The following NBPF26 variants were observed in gnomAD, a reference collection of about 807,000 sequenced individuals.
NBPF26 encodes the protein NBPF member 26.
In NBPF26, 79 loss-of-function variants were observed where a neutral mutation model predicts 119.6. The ratio of observed to expected loss-of-function variants is 0.66; its 90% CI spans 0.55 to 0.80. NBPF26 has a LOEUF of 0.80. Among genes scored for constraint, NBPF26 ranks in the 30% least tolerant of loss-of-function variants. NBPF26 has a pLI of 0.00. For missense variants in NBPF26, 800 were observed against 1,198.2 expected (o/e 0.67, Z 4.91); for synonymous variants, 299 against 457.7 (o/e 0.65, Z 4.43).
rs1216175971 is a variant in NBPF26 at position 120,815,607 on chromosome 1, A to G, written c.2093-478A>G. ...TGTGGTAGGAAGTGCTTCAGACTGG[A>G]GCACTCCCCATGGATAGAATGTCCC... On this transcript the variant is annotated intron_variant, in intron 12 of 29. Transcript: ENST00000620612. Among the ~76,000 whole-genome samples, 98 of 95,082 alleles carry G rather than the reference A, an allele frequency of 1.0e-3. 3 individuals are homozygous for G. The East Asian group carries it at 0.021, about 20-fold the overall frequency. The allele number at this position is 95,082 out of a possible 152,430, so 62.4% of individuals were successfully genotyped here. A position where few individuals can be genotyped will look rare whatever the true frequency, so the allele number is the denominator to read the frequency against.
At chr1:120,808,427 G>A (rs1483455092) in intron 6 of NBPF26, 118 bp from the exon 7 acceptor site, 9 of 926,366 alleles carry the variant, frequency 9.7e-6, no homozygotes, top group Non-Finnish European at 1.5e-5. Flanking sequence ...TTCAACGTGT[G>A]CTGACCTTCT....
chr1:120,790,425 A>T (rs1651474215), intron 3 of NBPF26, among the ~76,000 whole-genome samples: 1 of 116,192 alleles, frequency 8.6e-6, no homozygotes, highest in Non-Finnish European at 1.6e-5. Context: ...CAGTCAGCTT[A>T]CTAGCTCATC....
At position 120,756,024 on chromosome 1, in the gene NBPF26, C is replaced by G. The variant is rs1300595941; in HGVS notation, c.74-7604C>G. On this transcript the variant is annotated intron_variant, in intron 1 of 29. Transcript: ENST00000620612. ...TCCACTTCGTTTTTATTTAAATGTA[C>G]CACTTGGGATTTGAAGCTTCCGCAC... is the stretch of plus-strand genomic sequence containing the variant. 3.6e-5 allele frequency among the ~76,000 whole-genome samples: 4 copies of G among 110,340 alleles called. 1 individual carries two copies. The highest frequency in any genetic ancestry group is 5.5e-5 in the African/African-American group (1 of 18,266). The allele number at this position is 110,340 out of a possible 152,430, so 72.4% of individuals were successfully genotyped here. A position where few individuals can be genotyped will look rare whatever the true frequency, so the allele number is the denominator to read the frequency against.
At chr1:120,785,226 G>T (rs1651412488) in exon 3 of NBPF26, 2 of 1,445,238 alleles carry the variant, frequency 1.4e-6, no homozygotes. Flanking sequence ...GTCAAGTCGG[G>T]TTTACAGGTA....
Position 120,724,097 on chromosome 1 carries a change from A to G in NBPF26, c.-81A>G, listed in dbSNP as rs1650785087. On this transcript the variant is annotated 5_prime_UTR_variant, in exon 1 of 30. Transcript: ENST00000620612. ...GGGGAGGAGAGAGTGGGGCTCCTCT[A>G]TCGGGACCCCCTCCCCATGTGGATC... The G allele has an allele frequency of 1.3e-5, 17 of 1,324,160 alleles. 2 individuals carry two copies. Among genetic ancestry groups the G allele is most frequent in the African/African-American group, 9.2e-5 (3 of 32,442 alleles). The allele number at this position is 1,324,160 out of a possible 1,614,324, so 82.0% of individuals were successfully genotyped here. A position where few individuals can be genotyped will look rare whatever the true frequency, so the allele number is the denominator to read the frequency against.
At chr1:120,739,985 G>T in intron 1 of NBPF26, among the ~76,000 whole-genome samples, 1 of 66,308 alleles carries the variant, frequency 1.5e-5, no homozygotes, top group Middle Eastern at 5.6e-3. Flanking sequence ...AAGTTTGTAG[G>T]TTAACTCACT....
At chr1:120,822,141 G>A in exon 16 of NBPF26, 3 of 1,343,408 alleles carry the variant, frequency 2.2e-6, no homozygotes, top group Non-Finnish European at 3.0e-6. Flanking sequence ...AGTCCCCCAG[G>A]AGTCCTGGGA....
chr1:120,840,242 A>C lies in NBPF26; in HGVS notation c.4104-108A>C, dbSNP rs77928787. On this transcript the variant is annotated intron_variant, in intron 29 of 29. Coordinates refer to ENST00000620612, the Ensembl canonical transcript of NBPF26. ...TTTTTTTTACCTCATTAATGGATCT[A>C]TCCTTTTTCTTTTCTAACCACTTCC... The C allele has an allele frequency of 7.0e-5, 99 of 1,409,220 alleles. 20 individuals carry two copies. The highest frequency in any genetic ancestry group is 9.1e-5 in the Non-Finnish European group (97 of 1,063,092). The allele number at this position is 1,409,220 out of a possible 1,614,324, so 87.3% of individuals were successfully genotyped here.
chr1:120,815,229 T>C (rs1156714810), intron 12 of NBPF26, among the ~76,000 whole-genome samples, 186 bp downstream of exon 12: 1 of 112,792 alleles, frequency 8.9e-6, no homozygotes, highest in East Asian at 2.2e-4. Context: ...GAGGTCACAG[T>C]ATTGCAAGTG....
At chr1:120,806,663 A>C (rs1651693158) in intron 5 of NBPF26, among the ~76,000 whole-genome samples, 1 of 122,012 alleles carries the variant, frequency 8.2e-6, no homozygotes, top group Non-Finnish European at 1.7e-5. Context: ...GGTGAGAGTG[A>C]AGTCCTGCTT....
rs1346598014 is a variant in NBPF26, at chr1:120,815,210, A to C, written c.2092+167A>C. Among the ~76,000 whole-genome samples, 20 of 110,766 alleles carry C rather than the reference A, an allele frequency of 1.8e-4. 7 individuals are homozygous for C. The highest frequency in any genetic ancestry group is 1.0e-3 in the African/African-American group (18 of 17,854). The allele number at this position is 110,766 out of a possible 152,430, so 72.7% of individuals were successfully genotyped here. ...GGGTAAGAACAGAGATGGGAAACCCATGGGGTTGGAGGTCACAGTATTGCA... is the reference window on the plus strand; with the variant it reads ...GGGTAAGAACAGAGATGGGAAACCCCTGGGGTTGGAGGTCACAGTATTGCA... On this transcript the variant is annotated intron_variant, in intron 12 of 29. Transcript: ENST00000620612.
At chr1:120,792,497 G>C (rs1651502584) in intron 3 of NBPF26, among the ~76,000 whole-genome samples, 1 of 106,638 alleles carries the variant, frequency 9.4e-6, no homozygotes, top group Non-Finnish European at 1.8e-5. Context: ...GAAAACAGAA[G>C]GGAAGTTGAT....
chr1:120,767,461 A>G (rs1344433523), intron 2 of NBPF26, among the ~76,000 whole-genome samples: 1 of 67,556 alleles, frequency 1.5e-5, no homozygotes, highest in Non-Finnish European at 2.6e-5. Flanking sequence ...GAAGATAACT[A>G]CTTTTGAAGA....
In NBPF26 at chr1:120,825,077, C is replaced by A. The variant is rs1386286333; in HGVS notation, c.2812+931C>A. Among the ~76,000 whole-genome samples the A allele has an allele frequency of 2.8e-3, 338 of 121,288 alleles. 3 individuals carry two copies. Among genetic ancestry groups the A allele is most frequent in the African/African-American group, 0.015 (325 of 21,152 alleles). 79.6% of individuals were successfully genotyped at this position (121,288 alleles called of 152,430 possible). A position where few individuals can be genotyped will look rare whatever the true frequency, so the allele number is the denominator to read the frequency against. ...TTCATTGCAGTAGATGTTTAGGTTT[C>A]CATTTCTTCCTCCCCTTATCATTTA... On this transcript the variant is annotated intron_variant, in intron 18 of 29. Coordinates refer to ENST00000620612, the Ensembl canonical transcript of NBPF26.
intron 29 of NBPF26, among the ~76,000 whole-genome samples, chr1:120,840,016 C>G (rs2101556301): frequency 1.7e-5 from 1 of 58,864 alleles, no homozygotes; most frequent in East Asian, 3.5e-4. Context: ...AACTATTGAG[C>G]TCACTCTTTT....
chr1:120,775,929 G>C (rs2101434934), intron 2 of NBPF26, among the ~76,000 whole-genome samples: 1 of 78,940 alleles, frequency 1.3e-5, no homozygotes, highest in South Asian at 3.7e-4. Flanking sequence ...GGCCCAATTT[G>C]ACTGATATAG....
downstream of NBPF26, chr1:120,840,752 G>T (rs1393741001): frequency 3.6e-6 from 4 of 1,115,918 alleles, 1 homozygote; most frequent in Admixed American, 2.6e-5. Flanking sequence ...GTGGCAACCT[G>T]TGCTCAGTCT....
Position 120,805,968 on chromosome 1 carries a change from G to A in NBPF26, c.961+203G>A, listed in dbSNP as rs1651671472. On this transcript the variant is annotated intron_variant, in intron 5 of 29. Coordinates refer to ENST00000620612, the Ensembl canonical transcript of NBPF26. ...CAACTTTCCATGTTTGCAATCAGAT[G>A]GGGGTGGAACTAGAGTTAAACTCAC... Among the ~76,000 whole-genome samples the A allele has an allele frequency of 2.7e-5, 3 of 110,802 alleles. 1 individual carries two copies. The allele number at this position is 110,802 out of a possible 152,430, so 72.7% of individuals were successfully genotyped here. A position where few individuals can be genotyped will look rare whatever the true frequency, so the allele number is the denominator to read the frequency against.
At position 120,784,999 on chromosome 1, in the gene NBPF26, T is replaced by C; in HGVS notation, c.181T>C (p.Tyr61His). The C allele has an allele frequency of 7.0e-6, 10 of 1,421,852 alleles. 3 individuals carry two copies. The South Asian group carries it at 1.1e-4, about 16-fold the overall frequency. The allele number at this position is 1,421,852 out of a possible 1,614,324, so 88.1% of individuals were successfully genotyped here. A position where few individuals can be genotyped will look rare whatever the true frequency, so the allele number is the denominator to read the frequency against. ...ATGTCCAGAAGGCTTCTTGGGGGAA[T>C]ATTGTCAACATCGAGACCCCTGTGA... Residue 61 changes from tyrosine (Y) to histidine (H), a missense_variant, in exon 3 of 30, where the codon TAT becomes CAT. By Grantham distance (83) the Tyr-to-His change is moderately conservative (BLOSUM62 2). Around this residue, in one of 13 missense-constraint regions of NBPF26, gnomAD observed 209 missense variants for 285.2 expected, o/e 0.73. Transcript: ENST00000620612.
Sources: allele counts gnomAD v4.1 joint callset (sites outside exome capture counted in the v4.1 genomes callset), GRCh38; gene constraint gnomAD v4.1.1; regional missense constraint gnomAD v4.1.1; transcripts MANE v1.5; gene names NCBI Gene and HGNC (gene_info 2026-07-23, HGNC 2026-07-21).